GOT2: variants seen among roughly 807,000 people sequenced by gnomAD.
GOT2 encodes the protein aspartate aminotransferase, mitochondrial.
GOT2 carries 17 observed loss-of-function variants against 50.0 expected under a neutral mutation model. The ratio of observed to expected loss-of-function variants is 0.34; its 90% CI spans 0.23 to 0.51. The LOEUF is 0.51. Among genes scored for constraint, GOT2 ranks in the 20% least tolerant of loss-of-function variants. GOT2 has a pLI of 0.97. For missense variants in GOT2, 430 were observed against 559.6 expected (o/e 0.77, Z 2.34); for synonymous variants, 172 against 204.9 (o/e 0.84, Z 1.37).
At chr16:58,712,380 T>C (rs920082242) in intron 8 of GOT2, among the ~76,000 whole-genome samples, 9 of 152,164 alleles carry the variant, frequency 5.9e-5, no homozygotes, top group African/African-American at 1.4e-4. Flanking sequence ...GTCATGGTGG[T>C]GGGTGCCTGT....
chr16:58,727,668 C>T (rs1037799791), intron 1 of GOT2, among the ~76,000 whole-genome samples: 1 of 152,112 alleles, frequency 6.6e-6, no homozygotes. Flanking sequence ...GAGCCCTGAG[C>T]AGAGGACGTA....
chr16:58,719,950 C>G (rs1025309364), intron 3 of GOT2, among the ~76,000 whole-genome samples: 3 of 152,020 alleles, frequency 2.0e-5, no homozygotes, highest in African/African-American at 7.2e-5. Context: ...GCCTGTAATC[C>G]CAGCACTTTG....
chr16:58,716,869 GT>G, intron 6 of GOT2, 56 bp from the exon 7 acceptor site: 1 of 1,520,334 alleles, frequency 6.6e-7, no homozygotes, highest in Non-Finnish European at 9.1e-7. Context: ...GGCCCCAGAT[GT>G]TTATAAAAGT....
chr16:58,732,132 T>A (rs936304203), intron 1 of GOT2, among the ~76,000 whole-genome samples: 1 of 152,084 alleles, frequency 6.6e-6, no homozygotes, highest in African/African-American at 2.4e-5. Flanking sequence ...ACAGGGAGAC[T>A]CTGTCTCTAC....
chr16:58,716,571 C>G (rs2044695043), intron 7 of GOT2, 92 bp downstream of exon 7: 1 of 1,025,618 alleles, frequency 9.8e-7, no homozygotes, highest in African/African-American at 2.0e-5. Flanking sequence ...CACACACACA[C>G]ACACACACAC....
At chr16:58,733,944 G>A (rs12921667) in intron 1 of GOT2, 196 bp downstream of exon 1, 23,303 of 398,796 alleles carry the variant, frequency 0.058, 836 homozygotes, top group South Asian at 0.083. Flanking sequence ...GGATCCTGAG[G>A]ATCACTGTGG....
intron 3 of GOT2, among the ~76,000 whole-genome samples, chr16:58,720,679 A>G (rs2152095753): frequency 6.6e-6 from 1 of 151,466 alleles, no homozygotes; most frequent in African/African-American, 2.4e-5. Flanking sequence ...TCTGGGTTCC[A>G]GGATTCCTCC....
At chr16:58,730,013 T>G (rs2044821425) in intron 1 of GOT2, among the ~76,000 whole-genome samples, 1 of 152,204 alleles carries the variant, frequency 6.6e-6, no homozygotes, top group African/African-American at 2.4e-5. Flanking sequence ...AACACAGGTA[T>G]GAAAACTATG....
intron 1 of GOT2, among the ~76,000 whole-genome samples, chr16:58,724,403 C>T (rs79496007): frequency 0.021 from 3,218 of 151,914 alleles, 110 homozygotes; most frequent in African/African-American, 0.073. Flanking sequence ...CCTCAGCCTC[C>T]GTGAGCCAAA....
intron 1 of GOT2, 82 bp from the exon 2 acceptor site, chr16:58,723,984 T>C (rs2044762251): frequency 7.8e-7 from 1 of 1,277,806 alleles, no homozygotes; most frequent in Non-Finnish European, 1.1e-6. Flanking sequence ...GATAGACTCT[T>C]GCTCTGTTGC....
chr16:58,708,350 C>T, intron 9 of GOT2, 57 bp from the exon 10 acceptor site: 2 of 1,574,196 alleles, frequency 1.3e-6, no homozygotes, highest in Non-Finnish European at 1.7e-6. Context: ...TCTCCCCGGC[C>T]TGACATGGCA....
chr16:58,713,210 A>G (rs529487168), intron 8 of GOT2, among the ~76,000 whole-genome samples: 1 of 152,368 alleles, frequency 6.6e-6, no homozygotes, highest in African/African-American at 2.4e-5. Flanking sequence ...TAGAATAGCT[A>G]GAGTTATGGT....
At chr16:58,729,332 T>C (rs2044813419) in intron 1 of GOT2, among the ~76,000 whole-genome samples, 1 of 147,702 alleles carries the variant, frequency 6.8e-6, no homozygotes, top group Admixed American at 6.9e-5. Flanking sequence ...TACTAGATTA[T>C]AAAAGAGAAC....
chr16:58,726,053 A>C (rs1040724019), intron 1 of GOT2, among the ~76,000 whole-genome samples: 1 of 152,266 alleles, frequency 6.6e-6, no homozygotes, highest in African/African-American at 2.4e-5. Context: ...ATTTGACAAT[A>C]GCAATGATGG....
intron 7 of GOT2, 153 bp from the exon 8 acceptor site, chr16:58,716,332 G>T: frequency 1.4e-6 from 1 of 718,084 alleles, no homozygotes; most frequent in Non-Finnish European, 2.3e-6. Flanking sequence ...CCAGAGTGGT[G>T]AACTGAGGCA....
chr16:58,718,549 G>T lies in GOT2; in HGVS notation c.575C>A (p.Thr192Lys), dbSNP rs1453751250. Reference protein sequence around the residue: ...YDPKTCGFDFTGAVEDISKIP... With the variant: ...YDPKTCGFDFKGAVEDISKIP... ...TACTGAAATATCCTCCACAGCGCCT[G>T]TGAAGTCAAAACCGCAAGTCTTGGG... The change falls in exon 5 of 10, where the codon ACA (threonine) becomes AAA (lysine). Residue 192 changes from threonine (T) to lysine (K), a missense_variant. By Grantham distance (78) the Thr-to-Lys change is moderately conservative. Coordinates refer to ENST00000245206, the MANE Select transcript of GOT2 (RefSeq NM_002080.4). 1 of 1,589,926 alleles carries T rather than the reference G, an allele frequency of 6.3e-7. No individual in the cohort carries two copies. The highest frequency in any genetic ancestry group is 8.6e-7 in the Non-Finnish European group (1 of 1,169,554).
In GOT2 at chr16:58,734,305, C is replaced by T. The variant is rs1374618948; in HGVS notation, c.-77G>A. 7 of 789,216 alleles carry T rather than the reference C, an allele frequency of 8.9e-6. No homozygotes were observed. In the African/African-American group the frequency reaches 1.1e-4, roughly 12 times the overall value. The allele number at this position is 789,216 out of a possible 1,614,324, so 48.9% of individuals were successfully genotyped here. A position where few individuals can be genotyped will look rare whatever the true frequency, so the allele number is the denominator to read the frequency against. ...CGGACACACACACAGGGAACCGGCT[C>T]CTGCTGAAGGTAAGGACAGGGACTT... On this transcript the variant is annotated 5_prime_UTR_variant, in exon 1 of 10. Coordinates refer to ENST00000245206, the MANE Select transcript of GOT2 (RefSeq NM_002080.4).
At chr16:58,714,835 G>T (rs2044679172) in intron 8 of GOT2, among the ~76,000 whole-genome samples, 1 of 152,118 alleles carries the variant, frequency 6.6e-6, no homozygotes, top group Admixed American at 6.5e-5. Context: ...AGGTCATGAT[G>T]TAAAATATAT....
At chr16:58,728,335 C>T (rs1412149489) in intron 1 of GOT2, among the ~76,000 whole-genome samples, 1 of 152,168 alleles carries the variant, frequency 6.6e-6, no homozygotes, top group Non-Finnish European at 1.5e-5. Context: ...CTTTCCTTAT[C>T]TGTAAAATGG....
Sources: allele counts gnomAD v4.1 joint callset (sites outside exome capture counted in the v4.1 genomes callset), GRCh38; gene constraint gnomAD v4.1.1; transcripts MANE v1.5; gene names NCBI Gene and HGNC (gene_info 2026-07-23, HGNC 2026-07-21).